The following GRK3 variants were observed in gnomAD, a reference collection of about 807,000 sequenced individuals.
The protein encoded by GRK3 is adrenergic, beta, receptor kinase 2.
Under a neutral mutation model 95.7 loss-of-function variants are expected in GRK3, and 54 were observed. That is an observed-to-expected ratio of 0.56 (90% CI 0.45 to 0.71). GRK3 has a LOEUF of 0.71. GRK3 is among the 30% of genes least tolerant of loss of function. The pLI, the probability that GRK3 is intolerant of heterozygous loss-of-function variation, is 0.00. For missense variants in GRK3, 649 were observed against 851.2 expected (o/e 0.76, Z 2.96); for synonymous variants, 281 against 290.8 (o/e 0.97, Z 0.34).
At chr22:25,657,591 G>A (rs112107861) in intron 3 of GRK3, among the ~76,000 whole-genome samples, 2 of 152,214 alleles carry the variant, frequency 1.3e-5, no homozygotes, top group African/African-American at 4.8e-5. Context: ...ATATAAAAGT[G>A]TCTTGATTAT....
chr22:25,659,614 C>T (rs2084896949), intron 3 of GRK3, among the ~76,000 whole-genome samples: 1 of 152,140 alleles, frequency 6.6e-6, no homozygotes, highest in South Asian at 2.1e-4. Flanking sequence ...CTTCCGGGGT[C>T]AGAGATGGCA....
chr22:25,632,558 C>T (rs2084671273), intron 2 of GRK3, among the ~76,000 whole-genome samples: 2 of 152,154 alleles, frequency 1.3e-5, no homozygotes, highest in African/African-American at 4.8e-5. Flanking sequence ...AGTTTTCACT[C>T]TTATAGATCT....
chr22:25,667,283 G>C (rs1486714260), intron 5 of GRK3, among the ~76,000 whole-genome samples: 1 of 152,212 alleles, frequency 6.6e-6, no homozygotes, highest in African/African-American at 2.4e-5. Flanking sequence ...GCAGATTACA[G>C]ATGCTTTTAT....
chr22:25,612,520 T>TTGTG lies in GRK3; in HGVS notation c.190+8079_190+8082dup, dbSNP rs887005811. Reference sequence around the variant, plus strand: ...GGTATGTCTGCATGTGTGTGTGTGTTTGTGTGTGTGTGTGTATTCCTTAGA... The same window carrying TTGTG: ...GGTATGTCTGCATGTGTGTGTGTGTTTGTGTGTGTGTGTGTGTGTATTCCTTAGA... On this transcript the variant is annotated intron_variant, in intron 2 of 20. Coordinates refer to ENST00000324198, the MANE Select transcript of GRK3 (RefSeq NM_005160.4). Among the ~76,000 whole-genome samples, 8 of 150,760 alleles carry TTGTG rather than the reference T, an allele frequency of 5.3e-5. No individual in the cohort carries two copies. The South Asian group carries it at 1.7e-3, about 32-fold the overall frequency.
intron 17 of GRK3, among the ~76,000 whole-genome samples, chr22:25,714,112 G>A (rs893081199): frequency 1.3e-5 from 2 of 152,128 alleles, no homozygotes; most frequent in African/African-American, 4.8e-5. Context: ...TTCTGTATAT[G>A]TGAGTTTTCG....
Position 25,710,029 on chromosome 22 carries a change from C to T in GRK3, c.1395+65C>T, listed in dbSNP as rs538993941. Reference sequence around the variant, plus strand: ...CCCGCCCTTACCCGCTCATCTCTGTCTCAGTTTCTGTCTCTGTCTCTCTAT... The same window carrying T: ...CCCGCCCTTACCCGCTCATCTCTGTTTCAGTTTCTGTCTCTGTCTCTCTAT... On this transcript the variant is annotated intron_variant, in intron 16 of 20. Transcript: ENST00000324198. 2.4e-6 allele frequency: 3 copies of T among 1,240,802 alleles called. No individual in the cohort carries two copies. In the South Asian group the frequency reaches 3.6e-5, roughly 15 times the overall value. 76.9% of individuals were successfully genotyped at this position (1,240,802 alleles called of 1,614,324 possible). A position where few individuals can be genotyped will look rare whatever the true frequency, so the allele number is the denominator to read the frequency against.
At chr22:25,698,635 G>A (rs946094001) in intron 13 of GRK3, among the ~76,000 whole-genome samples, 12 of 152,180 alleles carry the variant, frequency 7.9e-5, no homozygotes, top group Admixed American at 4.6e-4. Context: ...GGAGGACCTC[G>A]GATGCAGTGC....
At chr22:25,566,775 G>C (rs1223450231) in intron 1 of GRK3, among the ~76,000 whole-genome samples, 1 of 152,150 alleles carries the variant, frequency 6.6e-6, no homozygotes, top group African/African-American at 2.4e-5. Flanking sequence ...TAATGTGGTA[G>C]AAAAAGGCTT....
rs1050625619 is a variant in GRK3 at position 25,586,065 on chromosome 22, G to T, written c.114-18312G>T. Reference sequence around the variant, plus strand: ...CTTCCAGACCCATAACAGATTCTTAGCAAATATTAACTGACATGAATATGC... The same window carrying T: ...CTTCCAGACCCATAACAGATTCTTATCAAATATTAACTGACATGAATATGC... On this transcript the variant is annotated intron_variant, in intron 1 of 20. Transcript: ENST00000324198. 3.3e-5 allele frequency among the ~76,000 whole-genome samples: 5 copies of T among 152,192 alleles called. No individual in the cohort carries two copies. In the East Asian group the frequency reaches 9.6e-4, roughly 29 times the overall value.
chr22:25,687,027 C>T (rs2085120328), intron 10 of GRK3, among the ~76,000 whole-genome samples: 1 of 152,008 alleles, frequency 6.6e-6, no homozygotes, highest in Admixed American at 6.5e-5. Flanking sequence ...ACCATGTTGA[C>T]CAGGCTGGTC....
intron 3 of GRK3, chr22:25,649,067 A>T (rs989842030): frequency 6.6e-7 from 1 of 1,514,278 alleles, no homozygotes; most frequent in South Asian, 1.1e-5. Flanking sequence ...TGGAGCGAGG[A>T]TACAGGATGC....
In GRK3 at chr22:25,611,831, CTTTTTTTT is replaced by C. The variant is rs752711382; in HGVS notation, c.190+7390_190+7397del. ...TCTTTTATGACTCATAGTTTAGTGT[CTTTTTTTT>C]TTTTTTTTTTTGAGATGGAGTCTCA... On this transcript the variant is annotated intron_variant, in intron 2 of 20. Transcript: ENST00000324198. 4.8e-4 allele frequency among the ~76,000 whole-genome samples: 57 copies of C among 118,776 alleles called. 1 individual carries two copies. The South Asian group carries it at 0.016, about 34-fold the overall frequency. The allele number at this position is 118,776 out of a possible 152,430, so 77.9% of individuals were successfully genotyped here. A position where few individuals can be genotyped will look rare whatever the true frequency, so the allele number is the denominator to read the frequency against.
chr22:25,566,351 A>T (rs926410311), intron 1 of GRK3, among the ~76,000 whole-genome samples: 3 of 152,244 alleles, frequency 2.0e-5, no homozygotes. Context: ...GATTGCTTAA[A>T]TGTTACCTAA....
At chr22:25,638,098 T>G (rs2084716213) in intron 2 of GRK3, among the ~76,000 whole-genome samples, 1 of 152,202 alleles carries the variant, frequency 6.6e-6, no homozygotes, top group Non-Finnish European at 1.5e-5. Flanking sequence ...CACATCTCCT[T>G]ACACCACGAT....
At chr22:25,630,868 A>G (rs2084659183) in intron 2 of GRK3, among the ~76,000 whole-genome samples, 2 of 152,246 alleles carry the variant, frequency 1.3e-5, no homozygotes, top group African/African-American at 4.8e-5. Context: ...GGGTTTTAGA[A>G]GAAGATCCAA....
At chr22:25,711,562 T>C (rs1289752825) in intron 17 of GRK3, among the ~76,000 whole-genome samples, 1 of 152,190 alleles carries the variant, frequency 6.6e-6, no homozygotes, top group Non-Finnish European at 1.5e-5. Flanking sequence ...GCATGAATCA[T>C]TTTGCATTTG....
intron 2 of GRK3, among the ~76,000 whole-genome samples, chr22:25,615,949 C>T (rs1032631102): frequency 6.8e-6 from 1 of 148,062 alleles, no homozygotes; most frequent in Non-Finnish European, 1.5e-5. Context: ...GGCAAAGACC[C>T]TAAGGCTGGA....
intron 8 of GRK3, among the ~76,000 whole-genome samples, chr22:25,676,138 A>C (rs2085026992): frequency 6.6e-6 from 1 of 152,154 alleles, no homozygotes; most frequent in African/African-American, 2.4e-5. Flanking sequence ...AGTATACTGA[A>C]ACACAGTCCT....
At chr22:25,708,233 A>G (rs1038508294) in intron 15 of GRK3, among the ~76,000 whole-genome samples, 2 of 152,022 alleles carry the variant, frequency 1.3e-5, no homozygotes, top group African/African-American at 4.8e-5. Context: ...GGTGACAAAA[A>G]AAAAGAAACA....
Sources: gnomAD v4.1 joint callset for allele counts (sites outside exome capture counted in the v4.1 genomes callset) on GRCh38, gnomAD v4.1.1 for gene constraint, MANE v1.5 for transcripts, NCBI Gene and HGNC (gene_info 2026-07-23, HGNC 2026-07-21) for gene names.